TENM4: variants seen among roughly 807,000 people sequenced by gnomAD.
The protein encoded by TENM4 is teneurin transmembrane protein 4.
A neutral mutation model predicts 243.3 loss-of-function variants in TENM4; 82 were observed. That is an observed-to-expected ratio of 0.34 (90% confidence interval 0.28 to 0.40). The LOEUF (loss-of-function observed/expected upper bound fraction) is 0.40. Among genes scored for constraint, TENM4 ranks in the 10% least tolerant of loss-of-function variants. The probability of loss-of-function intolerance (pLI) is 1.00; values close to 1 mark genes in which losing one functional copy is unlikely to be tolerated. For missense variants in TENM4, 3,138 were observed against 3,673.3 expected, an observed-to-expected ratio of 0.85 and a Z score of 3.77; for synonymous variants, 1,412 against 1,456.3, an observed-to-expected ratio of 0.97 and a Z score of 0.69.
chr11:78,866,660 T>C (rs1157784624), intron 9 of TENM4, among the ~76,000 whole-genome samples: 2 of 152,066 alleles, frequency 1.3e-5, no homozygotes, highest in East Asian at 3.9e-4. Context: ...CCCCTGGCAA[T>C]CACAGAGGCC....
At chr11:79,336,680 T>G (rs1021215576) in intron 1 of TENM4, among the ~76,000 whole-genome samples, 1 of 152,220 alleles carries the variant, frequency 6.6e-6, no homozygotes, top group Non-Finnish European at 1.5e-5. Context: ...AATATTGCTA[T>G]GAACATGCAA....
chr11:79,377,796 A>G (rs1857921794), intron 1 of TENM4, among the ~76,000 whole-genome samples: 2 of 152,324 alleles, frequency 1.3e-5, no homozygotes, highest in Non-Finnish European at 1.5e-5. Context: ...TACTCCCTAG[A>G]AAGTGGAGAT....
rs1486327665 is a variant in TENM4 at position 78,669,303 on chromosome 11, T to C, written c.7042A>G (p.Met2348Val). ...AACTCATCACCACTGCTCAGCTCCA[T>C]GGCAAAGAGGTGTCCTTGCAAGTCG... ...YYDLQGHLFAMELSSGDEFYI... is the reference protein window; with the variant it reads ...YYDLQGHLFAVELSSGDEFYI... Residue 2348 changes from methionine (M) to valine (V), a missense_variant, in exon 32 of 34, where the codon ATG becomes GTG. By Grantham distance (21) the Met-to-Val change is conservative. Coordinates refer to ENST00000278550, the MANE Select transcript of TENM4 (RefSeq NM_001098816.3). The surrounding 1 kb of genome is among the most constrained non-coding windows in gnomAD (Gnocchi z 6.4). 3 of 1,613,982 alleles carry C rather than the reference T, an allele frequency of 1.9e-6. No individual in the cohort carries two copies. The highest frequency in any genetic ancestry group is 2.5e-6 in the Non-Finnish European group (3 of 1,179,878).
chr11:79,146,423 C>G (rs1321511406), intron 4 of TENM4, among the ~76,000 whole-genome samples: 1 of 152,036 alleles, frequency 6.6e-6, no homozygotes, highest in Non-Finnish European at 1.5e-5. Flanking sequence ...ATTGCCAGCC[C>G]CATGGCCCAG....
At chr11:78,849,400 G>C (rs113887393) in intron 12 of TENM4, among the ~76,000 whole-genome samples, 42 of 152,318 alleles carry the variant, frequency 2.8e-4, no homozygotes, top group African/African-American at 9.9e-4. Context: ...CAAATAGTGA[G>C]AGACTGTGGT....
At chr11:79,434,929 CA>C (rs748667123) in intron 1 of TENM4, among the ~76,000 whole-genome samples, 38 of 152,080 alleles carry the variant, frequency 2.5e-4, no homozygotes, top group Non-Finnish European at 5.3e-4. Flanking sequence ...AAAATAAACA[CA>C]AAGTCAAAAA....
At chr11:78,838,456 T>G (rs1325458961) in intron 12 of TENM4, among the ~76,000 whole-genome samples, 1 of 152,252 alleles carries the variant, frequency 6.6e-6, no homozygotes, top group Admixed American at 6.5e-5. Context: ...CTTCAGTGAC[T>G]TTAGTGCTTA....
chr11:79,259,844 A>C (rs1855766951), intron 2 of TENM4, among the ~76,000 whole-genome samples: 1 of 152,206 alleles, frequency 6.6e-6, no homozygotes, highest in African/African-American at 2.4e-5. Context: ...TTTTGTTGTC[A>C]TTTACTGTAG....
At chr11:79,367,023 G>T (rs1169951704) in intron 1 of TENM4, among the ~76,000 whole-genome samples, 1 of 152,084 alleles carries the variant, frequency 6.6e-6, no homozygotes, top group East Asian at 1.9e-4. Context: ...CATATCTTGG[G>T]CAAAAATGTG....
chr11:78,875,034 C>T (rs917292251), intron 9 of TENM4, among the ~76,000 whole-genome samples: 1 of 152,166 alleles, frequency 6.6e-6, no homozygotes, highest in African/African-American at 2.4e-5. Flanking sequence ...GGTGCTGTTG[C>T]TCAATAAGCA....
chr11:79,070,262 G>A (rs974066202), intron 4 of TENM4, among the ~76,000 whole-genome samples: 2 of 152,128 alleles, frequency 1.3e-5, no homozygotes, highest in East Asian at 1.9e-4. Flanking sequence ...GATGGGCACC[G>A]AGGAAGCTGA....
At chr11:78,906,521 A>G (rs184850486) in intron 6 of TENM4, among the ~76,000 whole-genome samples, 2 of 152,352 alleles carry the variant, frequency 1.3e-5, no homozygotes, top group African/African-American at 4.8e-5. Context: ...TCCTGCAATG[A>G]TGAAATTTTA....
At chr11:79,234,583 G>T (rs141622605) in intron 2 of TENM4, among the ~76,000 whole-genome samples, 2 of 152,332 alleles carry the variant, frequency 1.3e-5, no homozygotes, top group East Asian at 1.9e-4. Context: ...GCAAGGAAAT[G>T]CTCAGGGAAG....
intron 9 of TENM4, among the ~76,000 whole-genome samples, chr11:78,873,533 T>C (rs1859190998): frequency 6.6e-6 from 1 of 152,198 alleles, no homozygotes; most frequent in Non-Finnish European, 1.5e-5. Flanking sequence ...CAGATCTGAG[T>C]TAAGTCCAGA....
intron 4 of TENM4, among the ~76,000 whole-genome samples, chr11:79,104,748 A>G (rs995249766): frequency 5.3e-5 from 8 of 152,228 alleles, no homozygotes; most frequent in Non-Finnish European, 1.0e-4. Context: ...AGTATGTGAT[A>G]TTACTAGGCT....
intron 3 of TENM4, among the ~76,000 whole-genome samples, chr11:79,195,486 AC>A (rs1336627834): frequency 6.6e-6 from 1 of 152,196 alleles, no homozygotes; most frequent in Non-Finnish European, 1.5e-5. Context: ...GACCATGGGA[AC>A]CCAGCTCTTG....
At chr11:79,398,418 C>T (rs1319361396) in intron 1 of TENM4, among the ~76,000 whole-genome samples, 6 of 152,146 alleles carry the variant, frequency 3.9e-5, no homozygotes, top group Non-Finnish European at 8.8e-5. Flanking sequence ...CTGTGGGCCA[C>T]TGCAACTTAC....
intron 28 of TENM4, among the ~76,000 whole-genome samples, chr11:78,697,281 GC>G (rs1287960079): frequency 6.6e-6 from 1 of 152,164 alleles, no homozygotes. Context: ...TGGTGCATCT[GC>G]CCACAAGCAG....
chr11:78,668,517 T>A (rs12284673), intron 32 of TENM4, among the ~76,000 whole-genome samples: 14,225 of 152,140 alleles, frequency 0.093, 2,184 homozygotes, highest in African/African-American at 0.32. Flanking sequence ...AAGGACTCAT[T>A]AGCAGTTTGA....
Sources: allele counts gnomAD v4.1 joint callset (sites outside exome capture counted in the v4.1 genomes callset), GRCh38; gene constraint gnomAD v4.1.1; non-coding constraint Gnocchi (gnomAD v3.1); transcripts MANE v1.5; gene names NCBI Gene and HGNC (gene_info 2026-07-23, HGNC 2026-07-21).